Variants in WNT16 observed in about 807,000 individuals in gnomAD.
The protein encoded by WNT16 is Wnt family member 16.
A neutral mutation model predicts 35.4 loss-of-function variants in WNT16; 20 were observed. The ratio of observed to expected loss-of-function variants is 0.56; its 90% CI spans 0.40 to 0.82. The LOEUF (loss-of-function observed/expected upper bound fraction) is 0.82. WNT16 is among the 40% of genes least tolerant of loss of function. WNT16 has a pLI of 0.00. For synonymous variants in WNT16, 180 were observed against 179.2 expected (o/e 1.00, Z -0.03); for missense variants, 461 against 466.0 (o/e 0.99, Z 0.10).
Position 121,340,867 on chromosome 7 carries a change from T to C in WNT16, c.*1522T>C, listed in dbSNP as rs1793521209. On this transcript the variant is annotated 3_prime_UTR_variant, in exon 4 of 4. Transcript: ENST00000222462. ...TGTAAATGCTTATGTTTTTTATGAA[T>C]TGTTAAATATTTCAGTATTATATAG... is the stretch of plus-strand genomic sequence containing the variant. 1 of 152,244 alleles carries C rather than the reference T, an allele frequency of 6.6e-6. No individual in the cohort carries two copies. The highest frequency in any genetic ancestry group is 2.4e-5 in the African/African-American group (1 of 41,566). 9.4% of individuals were successfully genotyped at this position (152,244 alleles called of 1,614,324 possible). A position where few individuals can be genotyped will look rare whatever the true frequency, so the allele number is the denominator to read the frequency against.
chr7:121,335,499 T>C (rs1475498006), intron 3 of WNT16, among the ~76,000 whole-genome samples: 1 of 152,066 alleles, frequency 6.6e-6, no homozygotes, highest in Non-Finnish European at 1.5e-5. Context: ...CCTCTGTTAA[T>C]ATCGTTATAA....
chr7:121,330,705 C>G (rs999945912), intron 2 of WNT16, among the ~76,000 whole-genome samples: 1 of 134,684 alleles, frequency 7.4e-6, no homozygotes, highest in African/African-American at 3.0e-5. Flanking sequence ...GCCCTGGTCC[C>G]CGTAGAGAGA....
chr7:121,333,333 C>T (rs563779925), intron 3 of WNT16, among the ~76,000 whole-genome samples: 4 of 151,928 alleles, frequency 2.6e-5, no homozygotes, highest in East Asian at 1.9e-4. Context: ...ACAGAAAAGT[C>T]GGTAAATATA....
At chr7:121,325,515 T>A (rs1226613869), upstream of WNT16, 1 of 1,594,278 alleles carries the variant, frequency 6.3e-7, no homozygotes. Context: ...ACAAAACAAC[T>A]TTTTCAATGT....
chr7:121,327,361 T>TTTG (rs1301609606), upstream of WNT16, among the ~76,000 whole-genome samples: 3 of 149,982 alleles, frequency 2.0e-5, no homozygotes, highest in African/African-American at 7.4e-5. Context: ...TTTTTTTTTT[T>TTTG]TTTTTTTGAG....
chr7:121,337,954 G>A (rs1343887169), intron 3 of WNT16, among the ~76,000 whole-genome samples: 2 of 152,270 alleles, frequency 1.3e-5, no homozygotes, highest in Non-Finnish European at 2.9e-5. Context: ...ATTCATCAAG[G>A]ATAGGGCATG....
At chr7:121,332,580 G>A (rs1418227856) in intron 3 of WNT16, among the ~76,000 whole-genome samples, 1 of 151,974 alleles carries the variant, frequency 6.6e-6, no homozygotes, top group East Asian at 1.9e-4. Context: ...ACTTTTTAGT[G>A]GGCAATGGCT....
In WNT16 at chr7:121,329,723, G is replaced by T. The variant is rs756904385; in HGVS notation, c.252G>T (p.Gln84His). The T allele has an allele frequency of 6.2e-7, 1 of 1,612,686 alleles. No homozygotes were observed. Among genetic ancestry groups the T allele is most frequent in the South Asian group, 1.1e-5 (1 of 91,086 alleles). Residue 84 changes from glutamine to histidine, a missense_variant, in exon 2 of 4, where the codon CAG (glutamine) becomes CAT (histidine). Gln to His is a conservative substitution (Grantham distance 24, BLOSUM62 0). Transcript: ENST00000222462. ...ARLGIQECGSQFRHERWNCMI... is the reference protein window; with the variant it reads ...ARLGIQECGSHFRHERWNCMI... ...TGGGCATTCAGGAGTGCGGGAGCCA[G>T]TTCAGACACGAGAGATGGAACTGCA... is the stretch of plus-strand genomic sequence containing the variant.
At position 121,331,756 on chromosome 7, in the gene WNT16, G is replaced by A. The variant is rs759413764; in HGVS notation, c.425G>A (p.Gly142Asp). ...TCTGTGACCAGGTCATGCAGTGCAG[G>A]CAACATGACAGAGTGTTCCTGTGAC... is the stretch of plus-strand genomic sequence containing the variant. Reference protein sequence around the residue: ...VHSVTRSCSAGNMTECSCDTT... With the variant: ...VHSVTRSCSADNMTECSCDTT... Residue 142 changes from glycine (G) to aspartate (D), a missense_variant, in exon 3 of 4, where the codon GGC becomes GAC. Transcript: ENST00000222462. 9 of 1,614,076 alleles carry A rather than the reference G, an allele frequency of 5.6e-6. No individual in the cohort carries two copies. The highest frequency in any genetic ancestry group is 2.7e-5 in the African/African-American group (2 of 74,928).
intron 3 of WNT16, among the ~76,000 whole-genome samples, chr7:121,332,311 C>T (rs1484551093): frequency 6.6e-6 from 1 of 152,012 alleles, no homozygotes. Context: ...TATACCCTTT[C>T]ATGAATATAT....
intron 2 of WNT16, among the ~76,000 whole-genome samples, chr7:121,330,608 A>T: frequency 7.0e-6 from 1 of 143,512 alleles, no homozygotes; most frequent in Non-Finnish European, 1.5e-5. Flanking sequence ...TCCGCCTTTG[A>T]CCCTTGTCCA....
chr7:121,338,807 A>G (rs1042462913), intron 3 of WNT16, 74 bp from the exon 4 acceptor site: 2 of 1,227,646 alleles, frequency 1.6e-6, no homozygotes, highest in African/African-American at 1.5e-5. Context: ...TTAATTGATT[A>G]GATTAACTGT....
Position 121,335,015 on chromosome 7 carries a change from G to A in WNT16, c.633+3051G>A, listed in dbSNP as rs556640592. On this transcript the variant is annotated intron_variant, in intron 3 of 3. Transcript: ENST00000222462. ...GTAGTTGAACAACACATAGTGTTTTGCTTTTCAGTAGGTTCGAATATATTT... is the reference window on the plus strand; with the variant it reads ...GTAGTTGAACAACACATAGTGTTTTACTTTTCAGTAGGTTCGAATATATTT... Among the ~76,000 whole-genome samples, 26 of 152,116 alleles carry A rather than the reference G, an allele frequency of 1.7e-4. No individual in the cohort carries two copies. In the South Asian group the frequency reaches 3.9e-3, roughly 23 times the overall value.
At chr7:121,328,227 T>C (rs1417831790), upstream of WNT16, among the ~76,000 whole-genome samples, 1 of 152,134 alleles carries the variant, frequency 6.6e-6, no homozygotes, top group Non-Finnish European at 1.5e-5. Flanking sequence ...CCTCCCACCA[T>C]GAGAATCGTA....
At chr7:121,325,650 C>CAT (rs764283488), upstream of WNT16, among the ~76,000 whole-genome samples, 98 of 148,418 alleles carry the variant, frequency 6.6e-4, no homozygotes, top group East Asian at 5.3e-3. Context: ...AAAAATTTTA[C>CAT]ATATATATAT....
rs1471685550 is a variant in WNT16 at position 121,329,374 on chromosome 7, C to T, written c.82C>T (p.Gln28Ter). The change falls in exon 1 of 4, where the codon CAA (glutamine) becomes TAA (stop). Residue 28 changes from glutamine to a stop codon, truncating the protein, a stop_gained. Transcript: ENST00000222462. LOFTEE classifies it high-confidence loss of function. The part of the protein sequence containing the change: ...ALLVLFPYGA[Q>*]GNWMWLGIAS... ...GCTCGTGCTGTTCCCCTACGGAGCC[C>T]AAGGAAACTGGATGTGAGTATGGAG... is the stretch of plus-strand genomic sequence containing the variant. 1 of 1,611,348 alleles carries T rather than the reference C, an allele frequency of 6.2e-7. No homozygotes were observed. The highest frequency in any genetic ancestry group is 2.2e-5 in the East Asian group (1 of 44,812).
intron 3 of WNT16, among the ~76,000 whole-genome samples, chr7:121,333,204 A>C (rs188990709): frequency 2.9e-4 from 44 of 152,154 alleles, no homozygotes; most frequent in African/African-American, 8.7e-4. Context: ...TCTCTTAGTA[A>C]TCTTAAAAGT....
In WNT16 at chr7:121,331,881, GATTTCCCCATCGGAAACACCACGGGCAA is replaced by G. The variant is rs1181673891; in HGVS notation, c.552_579del (p.Asp184GlufsTer7). 6.2e-7 allele frequency: 1 copy of G among 1,614,012 alleles called. No individual in the cohort carries two copies. Among genetic ancestry groups the G allele is most frequent in the East Asian group, 2.2e-5 (1 of 44,884 alleles). On this transcript the variant is annotated frameshift_variant, in exon 3 of 4. Transcript: ENST00000222462. LOFTEE classifies it high-confidence loss of function. The stretch of plus-strand genomic sequence containing the variant: ...CATGTGGTTCAGCAGAAAGTTCCTA[GATTTCCCCATCGGAAACACCACGGGCAA>G]AGAAAACAAAGTACTATTAGCAATG...
At position 121,339,298 on chromosome 7, in the gene WNT16, C is replaced by T. The variant is rs373376386; in HGVS notation, c.1051C>T (p.Arg351Cys). ...TAAGTTCATCTGGTGCTGCTATGTC[C>T]GTTGCAGGAGGTGTGAAAGCATGAC... ...ECKFIWCCYV[R>C]CRRCESMTDV... The change falls in exon 4 of 4, where the codon CGT becomes TGT. Residue 351 changes from arginine to cysteine, a missense_variant. By Grantham distance (180) the Arg-to-Cys change is radical. Coordinates refer to ENST00000222462, the MANE Select transcript of WNT16 (RefSeq NM_057168.2). The T allele has an allele frequency of 5.6e-6, 9 of 1,613,820 alleles. No individual in the cohort carries two copies. Among genetic ancestry groups the T allele is most frequent in the African/African-American group, 2.7e-5 (2 of 74,924 alleles).
Sources: gnomAD v4.1 joint callset for allele counts (sites outside exome capture counted in the v4.1 genomes callset) on GRCh38, gnomAD v4.1.1 for gene constraint, MANE v1.5 for transcripts, NCBI Gene and HGNC (gene_info 2026-07-23, HGNC 2026-07-21) for gene names.